The following PKD1 variants were observed in gnomAD, a reference collection of about 807,000 sequenced individuals.
PKD1 encodes the protein polycystin 1, transient receptor potential channel interacting.
In PKD1, 81 loss-of-function variants were observed where a neutral mutation model predicts 361.7. The observed-to-expected ratio is 0.22, with a 90% CI of 0.19 to 0.27. The LOEUF (loss-of-function observed/expected upper bound fraction) is 0.27, where lower values mean the gene tolerates loss of function less well. PKD1 is among the 10% of genes least tolerant of loss of function. The pLI is 1.00. For synonymous variants in PKD1, 3,615 were observed against 2,818.3 expected (o/e 1.28, Z -8.95); for missense variants, 6,399 against 6,118.3 (o/e 1.05, Z -1.53).
Position 2,110,845 on chromosome 16 carries a change from T to C in PKD1, c.4322A>G (p.Tyr1441Cys). The C allele has an allele frequency of 6.2e-7, 1 of 1,611,788 alleles. No homozygotes were observed. Among genetic ancestry groups the C allele is most frequent in the Non-Finnish European group, 8.5e-7 (1 of 1,179,828 alleles). ...VTFIYRDPGSYLVTVTASNNI... is the reference protein window; with the variant it reads ...VTFIYRDPGSCLVTVTASNNI... ...GTTGGACGCGGTGACTGTCACAAGATAGGAGCCTGGGTCTCGGTAGATGAA... is the reference window on the plus strand; with the variant it reads ...GTTGGACGCGGTGACTGTCACAAGACAGGAGCCTGGGTCTCGGTAGATGAA... Residue 1441 changes from tyrosine to cysteine, a missense_variant, in exon 15 of 46, where the codon TAT becomes TGT. By Grantham distance (194) the Tyr-to-Cys change is radical. Transcript: ENST00000262304.
chr16:2,119,851 C>A, intron 1 of PKD1: 3 of 699,780 alleles, frequency 4.3e-6, no homozygotes, highest in Non-Finnish European at 7.8e-6. Context: ...GAGAAGCAGG[C>A]TCACTACCAG....
At position 2,105,423 on chromosome 16, in the gene PKD1, G is replaced by C. The variant is rs750913623; in HGVS notation, c.7915C>G (p.Arg2639Gly). Reference sequence around the variant, plus strand: ...GTGATGTTCTTGCGTATCTGGGCTCGGTGCTGCCGCTCGTGCTTGGGCTCT... The same window carrying C: ...GTGATGTTCTTGCGTATCTGGGCTCCGTGCTGCCGCTCGTGCTTGGGCTCT... ...AAEPKHERQH[R>G]AQIRKNITET... Residue 2639 changes from arginine to glycine, a missense_variant, in exon 21 of 46, where the codon CGA becomes GGA. Coordinates refer to ENST00000262304, the MANE Select transcript of PKD1 (RefSeq NM_001009944.3). 4 of 1,585,002 alleles carry C rather than the reference G, an allele frequency of 2.5e-6. No homozygotes were observed. The highest frequency in any genetic ancestry group is 3.4e-6 in the Non-Finnish European group (4 of 1,172,074).
chr16:2,096,753 G>T (rs1438389401), intron 34 of PKD1: 1 of 231,656 alleles, frequency 4.3e-6, no homozygotes, highest in African/African-American at 2.3e-5. Flanking sequence ...CTGACCTCAG[G>T]TCATCTGCCC....
At chr16:2,120,105 G>A in intron 1 of PKD1, 1 of 556,470 alleles carries the variant, frequency 1.8e-6, no homozygotes, top group Non-Finnish European at 3.2e-6. Flanking sequence ...AAGTACTCGG[G>A]AGGTAGAGGA....
intron 1 of PKD1, chr16:2,120,015 C>T: frequency 1.2e-5 from 7 of 595,118 alleles, no homozygotes; most frequent in Non-Finnish European, 2.1e-5. Context: ...ATTTTGAAAC[C>T]ACCCTGGGCA....
chr16:2,109,805 C>G lies in PKD1; in HGVS notation c.5362G>C (p.Gly1788Arg), dbSNP rs1361499651. 1.4e-5 allele frequency: 22 copies of G among 1,610,518 alleles called. No homozygotes were observed. Among genetic ancestry groups the G allele is most frequent in the Non-Finnish European group, 1.9e-5 (22 of 1,179,762 alleles). The change falls in exon 15 of 46, where the codon GGC becomes CGC. Residue 1788 changes from glycine (G) to arginine (R), a missense_variant. Transcript: ENST00000262304. ...LVTMTAGNPL[G>R]SANATVEVDV... Reference sequence around the variant, plus strand: ...ACTTCCACGGTGGCGTTGGCTGAGCCCAGCGGGTTCCCTGCCGTCATGGTG... The same window carrying G: ...ACTTCCACGGTGGCGTTGGCTGAGCGCAGCGGGTTCCCTGCCGTCATGGTG...
intron 14 of PKD1, among the ~76,000 whole-genome samples, 171 bp downstream of exon 14, chr16:2,112,169 C>A (rs975443083): frequency 2.0e-5 from 3 of 152,194 alleles, no homozygotes; most frequent in African/African-American, 7.2e-5. Flanking sequence ...CCTGTCCACT[C>A]CCCCCACGCC....
Position 2,090,471 on chromosome 16 carries a change from C to T in PKD1, c.12258G>A (p.Leu4086=). 1.9e-6 allele frequency: 3 copies of T among 1,612,344 alleles called. No individual in the cohort carries two copies. Among genetic ancestry groups the T allele is most frequent in the Non-Finnish European group, 2.5e-6 (3 of 1,179,786 alleles). The change falls in exon 45 of 46, where the codon CTG becomes CTA. Residue 4086 remains leucine (L), a synonymous_variant. Coordinates refer to ENST00000262304, the MANE Select transcript of PKD1 (RefSeq NM_001009944.3). ...PAESWHLSPL[L]CVGLWALRLW... ...GCCGCAGTGCCCAGAGCCCCACACA[C>T]AGCAGGGGTGACAGGTGCCAGGACT...
rs1555457100 is a variant in PKD1 at position 2,112,418 on chromosome 16, C to T, written c.3217G>A (p.Glu1073Lys). 1.1e-5 allele frequency: 17 copies of T among 1,585,068 alleles called. No individual in the cohort carries two copies. The highest frequency in any genetic ancestry group is 4.5e-5 in the East Asian group (2 of 44,732). The change falls in exon 14 of 46, where the codon GAG (glutamate) becomes AAG (lysine). Residue 1073 changes from glutamate to lysine, a missense_variant. By Grantham distance (56) the Glu-to-Lys change is moderately conservative. Transcript: ENST00000262304. ...ALHQFQPPYN[E>K]SFPVPDPSVA... ...GAGGGGTCTGGAACCGGGAAGGACT[C>T]GTTGTACGGAGGCTGGAACTGGTGG...
intron 1 of PKD1, among the ~76,000 whole-genome samples, chr16:2,129,474 C>A (rs1456991320): frequency 6.7e-6 from 1 of 150,120 alleles, no homozygotes; most frequent in Non-Finnish European, 1.5e-5. Flanking sequence ...ATGAGGCCGA[C>A]CATCTTCTCA....
chr16:2,114,803 G>T lies in PKD1; in HGVS notation c.2220C>A (p.Ala740=), dbSNP rs1427911852. 2 of 1,002,438 alleles carry T rather than the reference G, an allele frequency of 2.0e-6. No homozygotes were observed. The highest frequency in any genetic ancestry group is 1.6e-5 in the African/African-American group (1 of 61,742). 62.1% of individuals were successfully genotyped at this position (1,002,438 alleles called of 1,614,324 possible). The change falls in exon 11 of 46, where the codon GCC becomes GCA. Residue 740 remains alanine, a synonymous_variant. Transcript: ENST00000262304. ...SPAPGHPGPR[A]PYLSANASSW... The stretch of plus-strand genomic sequence containing the variant: ...ACGAGGCGTTGGCGGAGAGGTACGG[G>T]GCCCGGGGACCAGGGTGGCCGGGAG...
rs752736484 is a variant in PKD1, at chr16:2,103,680, G to A, written c.8377C>T (p.Leu2793=). 1 of 1,610,192 alleles carries A rather than the reference G, an allele frequency of 6.2e-7. No homozygotes were observed. The highest frequency in any genetic ancestry group is 8.5e-7 in the Non-Finnish European group (1 of 1,179,578). ...CCTGGGGCGCCGCCATAGCACAGCA[G>A]GCTCCGCGGGTCCGAGCGCTTGCCC... The part of the protein sequence containing the change: ...AQGKRSDPRS[L]LCYGGAPGPG... The change falls in exon 23 of 46, where the codon CTG becomes TTG. Residue 2793 remains leucine, a synonymous_variant. Coordinates refer to ENST00000262304, the MANE Select transcript of PKD1 (RefSeq NM_001009944.3).
rs1434439673 is a variant in PKD1 at position 2,091,177 on chromosome 16, G to GT, written c.11713-4dup. 1.4e-6 allele frequency: 2 copies of GT among 1,420,674 alleles called. No individual in the cohort carries two copies. Among genetic ancestry groups the GT allele is most frequent in the African/African-American group, 3.0e-5 (2 of 65,704 alleles). 88.0% of individuals were successfully genotyped at this position (1,420,674 alleles called of 1,614,324 possible). ...ACGGCGAACAGCAGCAGGCACACCT[G>GT]TGGGGGGCGCGGTCAGGAGGGCGGG... On this transcript the variant is annotated splice_polypyrimidine_tract_variant and splice_region_variant and intron_variant, in intron 42 of 45. Transcript: ENST00000262304.
chr16:2,106,121 T>G lies in PKD1; in HGVS notation c.7673A>C (p.Gln2558Pro). 6.2e-6 allele frequency: 10 copies of G among 1,605,636 alleles called. No individual in the cohort carries two copies. The highest frequency in any genetic ancestry group is 8.5e-6 in the Non-Finnish European group (10 of 1,177,014). ...GAGGGCGACCACAGCGGCTCCCAGC[T>G]GGTCCTGCACCACCACGGCCAGGCC... ...EVGLAVVVQD[Q>P]LGAAVVALNR... The change falls in exon 19 of 46, where the codon CAG (glutamine) becomes CCG (proline). Residue 2558 changes from glutamine (Q) to proline (P), a missense_variant. Gln to Pro is a moderately conservative substitution (Grantham distance 76). Coordinates refer to ENST00000262304, the MANE Select transcript of PKD1 (RefSeq NM_001009944.3). The surrounding 1 kb of genome is among the most constrained non-coding windows in gnomAD (Gnocchi z 6.5).
intron 34 of PKD1, among the ~76,000 whole-genome samples, chr16:2,096,382 G>C (rs1399215575): frequency 6.6e-6 from 1 of 152,264 alleles, no homozygotes; most frequent in South Asian, 2.1e-4. Flanking sequence ...AGAGCCCGGG[G>C]TCACACGCGT....
At chr16:2,098,145 C>T (rs975941287) in intron 30 of PKD1, 161 bp from the exon 31 acceptor site, 1 of 612,128 alleles carries the variant, frequency 1.6e-6, no homozygotes, top group South Asian at 1.9e-5. Flanking sequence ...GTGATGGCAG[C>T]CCCTCGCGAC....
In PKD1 at chr16:2,092,334, C is replaced by CT. The variant is rs1239097833; in HGVS notation, c.11269+145dup. The CT allele has an allele frequency of 1.2e-5, 12 of 1,005,064 alleles. No homozygotes were observed. The East Asian group carries it at 3.1e-4, about 26-fold the overall frequency. 62.3% of individuals were successfully genotyped at this position (1,005,064 alleles called of 1,614,324 possible). On this transcript the variant is annotated intron_variant, in intron 39 of 45. Transcript: ENST00000262304. Reference sequence around the variant, plus strand: ...GCCATCAATTAGACAACGTTACCATCTCTCATATACAGAGAAGGAAACGGC... The same window carrying CT: ...GCCATCAATTAGACAACGTTACCATCTTCTCATATACAGAGAAGGAAACGGC...
chr16:2,120,087 G>A lies in PKD1; in HGVS notation c.216-709C>T, dbSNP rs549871564. 43 of 576,662 alleles carry A rather than the reference G, an allele frequency of 7.5e-5. No individual in the cohort carries two copies. In the African/African-American group the frequency reaches 7.9e-4, roughly 11 times the overall value. 35.7% of individuals were successfully genotyped at this position (576,662 alleles called of 1,614,324 possible). A position where few individuals can be genotyped will look rare whatever the true frequency, so the allele number is the denominator to read the frequency against. ...TAGCCAGGCATGGCGGCATGCGCCTGGGGTCCCAAGTACTCGGGAGGTAGA... is the reference window on the plus strand; with the variant it reads ...TAGCCAGGCATGGCGGCATGCGCCTAGGGTCCCAAGTACTCGGGAGGTAGA... On this transcript the variant is annotated intron_variant, in intron 1 of 45. Transcript: ENST00000262304.
intron 38 of PKD1, 138 bp from the exon 39 acceptor site, chr16:2,092,730 T>C (rs1157755901): frequency 5.9e-6 from 5 of 840,660 alleles, no homozygotes; most frequent in Non-Finnish European, 7.9e-6. Flanking sequence ...AGCCTTATCC[T>C]GGGGATGTTC....
Sources: gnomAD v4.1 joint callset for allele counts (sites outside exome capture counted in the v4.1 genomes callset) on GRCh38, gnomAD v4.1.1 for gene constraint, Gnocchi (gnomAD v3.1) non-coding constraint, MANE v1.5 for transcripts, NCBI Gene and HGNC (gene_info 2026-07-23, HGNC 2026-07-21) for gene names.